The following NCOR2 variants were observed in gnomAD, a reference collection of about 807,000 sequenced individuals.
NCOR2 encodes nuclear receptor corepressor 2, also known as CTG repeat protein 26.
NCOR2 carries 81 observed loss-of-function variants against 262.9 expected under a neutral mutation model. The observed-to-expected ratio is 0.31, with a 90% CI of 0.26 to 0.37. The LOEUF is 0.37. NCOR2 is among the 10% of genes least tolerant of loss of function. The pLI, the probability that NCOR2 is intolerant of heterozygous loss-of-function variation, is 1.00. For synonymous variants in NCOR2, 1,659 were observed against 1,559.3 expected (o/e 1.06, Z -1.51); for missense variants, 3,385 against 3,621.4 (o/e 0.93, Z 1.68).
intron 16 of NCOR2, among the ~76,000 whole-genome samples, chr12:124,390,314 C>T (rs915503173): frequency 3.3e-5 from 5 of 152,224 alleles, no homozygotes; most frequent in African/African-American, 9.6e-5. Context: ...TCCATGAACC[C>T]GCCCAGCCTC....
chr12:124,326,506 C>G, intron 45 of NCOR2, 136 bp from the exon 48 acceptor site: 1 of 844,424 alleles, frequency 1.2e-6, no homozygotes. Flanking sequence ...ACGTGAACCC[C>G]TCCTCCCTGC....
chr12:124,400,666 T>C (rs912885738), exon 15 of NCOR2: 1 of 1,614,154 alleles, frequency 6.2e-7, no homozygotes, highest in South Asian at 1.1e-5. Context: ...GTGTCGTCTG[T>C]CTTCTCCCTA....
At position 124,343,172 on chromosome 12, in the gene NCOR2, C is replaced by T. The variant is rs749531672; in HGVS notation, c.4769G>A (p.Arg1590His). The change falls in exon 33 of 47, where the codon CGT (arginine) becomes CAT (histidine). Residue 1590 changes from arginine to histidine, a missense_variant. Coordinates refer to ENST00000405201, the Ensembl canonical transcript of NCOR2. The stretch of plus-strand genomic sequence containing the variant: ...GCTGTGCGGGGACTTGGCGATCTCA[C>T]GAGGCGTCGACGTCAGCTTTCGGTC... 17 of 1,609,714 alleles carry T rather than the reference C, an allele frequency of 1.1e-5. No individual in the cohort carries two copies. In the East Asian group the frequency reaches 2.2e-4, roughly 21 times the overall value.
upstream of NCOR2, among the ~76,000 whole-genome samples, chr12:124,499,470 A>T (rs1184637620): frequency 1.3e-5 from 2 of 151,468 alleles, no homozygotes; most frequent in South Asian, 4.1e-4. Context: ...GCCAGGAGAT[A>T]CGAGGAAGAA....
At chr12:124,528,526 C>T (rs1480724117) in intron 1 of NCOR2, among the ~76,000 whole-genome samples, 1 of 152,128 alleles carries the variant, frequency 6.6e-6, no homozygotes, top group Non-Finnish European at 1.5e-5. Context: ...GTGGTTTTGC[C>T]CAAGACAACA....
chr12:124,418,406 C>T (rs1217031853), intron 13 of NCOR2, among the ~76,000 whole-genome samples: 6 of 152,146 alleles, frequency 3.9e-5, no homozygotes, highest in Non-Finnish European at 7.4e-5. Flanking sequence ...ACTGGGACCC[C>T]GCCCCCAACC....
intron 1 of NCOR2, among the ~76,000 whole-genome samples, chr12:124,491,970 TGA>T (rs1030524795): frequency 9.9e-5 from 15 of 152,156 alleles, no homozygotes; most frequent in Admixed American, 7.9e-4. Context: ...TGGCTGAGGC[TGA>T]GTCAGGGAAC....
At chr12:124,498,200 T>C (rs2048478919), upstream of NCOR2, among the ~76,000 whole-genome samples, 5 of 152,324 alleles carry the variant, frequency 3.3e-5, no homozygotes, top group South Asian at 1.0e-3. Flanking sequence ...AGGTCTCATT[T>C]ACCCACAGCT....
At chr12:124,506,424 T>TCGG (rs2049041236) in intron 1 of NCOR2, among the ~76,000 whole-genome samples, 1 of 152,032 alleles carries the variant, frequency 6.6e-6, no homozygotes, top group African/African-American at 2.4e-5. Flanking sequence ...GGCAGCCAGC[T>TCGG]CGGCCCTGCT....
intron 9 of NCOR2, 41 bp downstream of exon 11, chr12:124,430,574 G>C: frequency 6.4e-7 from 1 of 1,570,558 alleles, no homozygotes; most frequent in Non-Finnish European, 8.6e-7. Flanking sequence ...AGCTGACCCC[G>C]GGCCCTGACG....
intron 1 of NCOR2, among the ~76,000 whole-genome samples, chr12:124,546,542 G>A (rs2051550269): frequency 6.6e-6 from 1 of 150,442 alleles, no homozygotes; most frequent in Non-Finnish European, 1.5e-5. Flanking sequence ...AGCCTCCTGA[G>A]TATCTGGGAT....
intron 13 of NCOR2, among the ~76,000 whole-genome samples, chr12:124,406,360 C>T (rs2042274851): frequency 6.6e-6 from 1 of 152,200 alleles, no homozygotes; most frequent in Non-Finnish European, 1.5e-5. Context: ...CCCACTCAGT[C>T]GGTCTGGGGT....
At chr12:124,511,340 G>A (rs1041419621) in intron 1 of NCOR2, among the ~76,000 whole-genome samples, 4 of 152,204 alleles carry the variant, frequency 2.6e-5, no homozygotes, top group Non-Finnish European at 5.9e-5. Context: ...GCCAGCCCCC[G>A]TGGCGAGACT....
chr12:124,532,006 C>T (rs1397756242), intron 1 of NCOR2, among the ~76,000 whole-genome samples: 1 of 152,086 alleles, frequency 6.6e-6, no homozygotes, highest in Non-Finnish European at 1.5e-5. Context: ...AAGAGTGTAC[C>T]GCTGGGAGCC....
At chr12:124,499,135 C>T (rs1481467832), upstream of NCOR2, among the ~76,000 whole-genome samples, 1 of 152,130 alleles carries the variant, frequency 6.6e-6, no homozygotes, top group African/African-American at 2.4e-5. Context: ...GAAGTGAATG[C>T]CAAAAAAAAT....
At chr12:124,490,379 G>A (rs563329859) in intron 1 of NCOR2, among the ~76,000 whole-genome samples, 4 of 152,106 alleles carry the variant, frequency 2.6e-5, no homozygotes, top group South Asian at 4.2e-4. Context: ...GGAAGAGGAC[G>A]GGCCCGAGAC....
chr12:124,481,077 A>C lies in NCOR2; in HGVS notation c.411+2519T>G, dbSNP rs1243731. Among the ~76,000 whole-genome samples, 1 of 147,200 alleles carries C rather than the reference A, an allele frequency of 6.8e-6. No homozygotes were observed. Among genetic ancestry groups the C allele is most frequent in the African/African-American group, 2.5e-5 (1 of 39,474 alleles). Reference sequence around the variant, plus strand: ...TGCCCCAGGGGATGAGCAGGGAGAGATGGCAGGAGCTGAGGAAGCAGGGGG... The same window carrying C: ...TGCCCCAGGGGATGAGCAGGGAGAGCTGGCAGGAGCTGAGGAAGCAGGGGG... On this transcript the variant is annotated intron_variant, in intron 3 of 46. Transcript: ENST00000405201. This position sits in a 1 kb window ranked among gnomAD's most constrained non-coding sequence, Gnocchi z 4.6.
chr12:124,345,098 G>A (rs1442075736), intron 31 of NCOR2, 147 bp from the exon 34 acceptor site: 4 of 757,490 alleles, frequency 5.3e-6, no homozygotes, highest in Non-Finnish European at 8.3e-6. Flanking sequence ...AGAGGGCTTT[G>A]CTAACCCTGA....
chr12:124,344,244 A>G (rs998260776), intron 32 of NCOR2, among the ~76,000 whole-genome samples: 1 of 152,252 alleles, frequency 6.6e-6, no homozygotes, highest in African/African-American at 2.4e-5. Context: ...AGGCGCCCCA[A>G]GGCCATAGCA....
Sources: allele counts gnomAD v4.1 joint callset (sites outside exome capture counted in the v4.1 genomes callset), GRCh38; gene constraint gnomAD v4.1.1; non-coding constraint Gnocchi (gnomAD v3.1); transcripts MANE v1.5; gene names NCBI Gene and HGNC (gene_info 2026-07-23, HGNC 2026-07-21).